Variants in NREP observed in about 807,000 individuals in gnomAD.
NREP encodes the protein neuronal regeneration-related protein.
NREP carries 5 observed loss-of-function variants against 8.6 expected under a neutral mutation model. That is an observed-to-expected ratio of 0.58 (90% confidence interval 0.30 to 1.22). NREP has a LOEUF of 1.22. Among genes scored for constraint, NREP ranks in the 50% most tolerant of loss-of-function variants. NREP has a pLI of 0.07. For synonymous variants in NREP, 27 were observed against 28.0 expected (o/e 0.96, Z 0.11); for missense variants, 86 against 82.5 (o/e 1.04, Z -0.17).
intron 2 of NREP, among the ~76,000 whole-genome samples, chr5:111,935,583 T>C (rs1581232472): frequency 6.6e-6 from 1 of 152,180 alleles, no homozygotes; most frequent in East Asian, 1.9e-4. Flanking sequence ...TTGATCAAGT[T>C]TCCACTTTTC....
At chr5:111,952,082 C>A (rs1047805297) in intron 2 of NREP, among the ~76,000 whole-genome samples, 2 of 152,102 alleles carry the variant, frequency 1.3e-5, no homozygotes, top group African/African-American at 4.8e-5. Flanking sequence ...GCTTAATTTG[C>A]TGCCTGCAAT....
At chr5:111,751,385 T>C (rs866846603) in intron 2 of NREP, among the ~76,000 whole-genome samples, 1 of 152,184 alleles carries the variant, frequency 6.6e-6, no homozygotes, top group South Asian at 2.1e-4. Flanking sequence ...AATTTCAGGA[T>C]CACTGCTATT....
At chr5:111,733,826 G>T (rs1748845664) in intron 3 of NREP, 1 of 152,092 alleles carries the variant, frequency 6.6e-6, no homozygotes, top group Non-Finnish European at 1.5e-5. Context: ...GCCTCGGGGT[G>T]GATCAGCCCT....
intron 2 of NREP, among the ~76,000 whole-genome samples, chr5:111,943,724 T>A: frequency 6.6e-6 from 1 of 152,108 alleles, no homozygotes; most frequent in East Asian, 1.9e-4. Context: ...TTAGAGGGCA[T>A]CCTCTTTCTA....
intron 2 of NREP, among the ~76,000 whole-genome samples, chr5:111,914,547 C>T (rs924005129): frequency 7.2e-5 from 11 of 152,102 alleles, no homozygotes; most frequent in African/African-American, 2.7e-4. Context: ...TGTAAGGTCC[C>T]GTTCCAGCCA....
At chr5:111,758,435 T>A (rs75941912), upstream of NREP, among the ~76,000 whole-genome samples, 663 of 152,370 alleles carry the variant, frequency 4.4e-3, 5 homozygotes, top group East Asian at 0.041. Flanking sequence ...GTCGTTCTTA[T>A]TTAAAATCTA....
intron 2 of NREP, among the ~76,000 whole-genome samples, chr5:111,799,869 CT>C (rs1751961614): frequency 6.6e-6 from 1 of 152,070 alleles, no homozygotes; most frequent in Non-Finnish European, 1.5e-5. Context: ...AGAATGTTGC[CT>C]TTTCAGGATT....
chr5:111,919,007 T>C lies in NREP; in HGVS notation c.135+56267A>G, dbSNP rs1755146332. Among the ~76,000 whole-genome samples, 2 of 152,054 alleles carry C rather than the reference T, an allele frequency of 1.3e-5. 1 individual carries two copies. Among genetic ancestry groups the C allele is most frequent in the South Asian group, 4.1e-4 (2 of 4,824 alleles). On this transcript the variant is annotated intron_variant, in intron 2 of 3. Coordinates refer to the NREP transcript ENST00000395634. ...TCTGACAAAGAACTAATATCCAGAA[T>C]CTACAGGGACTTAAAACAAATTGAC...
At chr5:111,819,626 G>A (rs1286501240) in intron 2 of NREP, among the ~76,000 whole-genome samples, 1 of 152,174 alleles carries the variant, frequency 6.6e-6, no homozygotes, top group Non-Finnish European at 1.5e-5. Context: ...TATGGGGTTA[G>A]GTTCCTGCAA....
chr5:111,877,263 G>A (rs996647242), intron 2 of NREP, among the ~76,000 whole-genome samples: 2 of 152,012 alleles, frequency 1.3e-5, no homozygotes, highest in East Asian at 1.9e-4. Flanking sequence ...CTGGGTCTCC[G>A]GCAATAAACT....
At chr5:111,785,298 A>G (rs1360541448) in intron 2 of NREP, among the ~76,000 whole-genome samples, 1 of 151,506 alleles carries the variant, frequency 6.6e-6, no homozygotes, top group East Asian at 1.9e-4. Context: ...TTTTTTTTTG[A>G]GATGGAGTCT....
chr5:111,834,691 G>T (rs774848426), intron 2 of NREP, among the ~76,000 whole-genome samples: 1 of 152,114 alleles, frequency 6.6e-6, no homozygotes, highest in Admixed American at 6.5e-5. Context: ...CCCATTACTG[G>T]CTGTGGAACC....
chr5:111,949,316 C>T (rs1756086361), intron 2 of NREP, among the ~76,000 whole-genome samples: 1 of 151,718 alleles, frequency 6.6e-6, no homozygotes, highest in African/African-American at 2.4e-5. Context: ...TCAAAAACTG[C>T]AGTCTAGTGC....
At chr5:111,905,122 T>C (rs771121831) in intron 2 of NREP, among the ~76,000 whole-genome samples, 3 of 152,138 alleles carry the variant, frequency 2.0e-5, no homozygotes, top group Non-Finnish European at 4.4e-5. Flanking sequence ...ATTTCTCCTA[T>C]ATGCCTTTTG....
chr5:111,774,099 A>C (rs192276), intron 2 of NREP, among the ~76,000 whole-genome samples: 10,782 of 152,206 alleles, frequency 0.071, 479 homozygotes, highest in East Asian at 0.23. Flanking sequence ...AGAACTCTAG[A>C]AACATCATTG....
At chr5:111,817,665 C>T (rs1410091940) in intron 2 of NREP, among the ~76,000 whole-genome samples, 6 of 151,494 alleles carry the variant, frequency 4.0e-5, no homozygotes, top group Admixed American at 2.6e-4. Context: ...ATTAGCCGGG[C>T]GTAGTGGCGG....
intron 2 of NREP, among the ~76,000 whole-genome samples, chr5:111,904,959 T>C (rs1754743586): frequency 6.6e-6 from 1 of 152,018 alleles, no homozygotes; most frequent in African/African-American, 2.4e-5. Context: ...TCCCTAGTAA[T>C]CGTTTATTGC....
At chr5:111,746,239 T>C (rs1749994000) in intron 2 of NREP, among the ~76,000 whole-genome samples, 1 of 138,100 alleles carries the variant, frequency 7.2e-6, no homozygotes, top group South Asian at 2.1e-4. Flanking sequence ...GTGGTTATCA[T>C]TTTTTTTTAA....
At chr5:111,935,394 G>A (rs1755655400) in intron 2 of NREP, among the ~76,000 whole-genome samples, 1 of 152,034 alleles carries the variant, frequency 6.6e-6, no homozygotes, top group South Asian at 2.1e-4. Context: ...GGAAATCTAA[G>A]CTTTGAACAA....
Sources: allele counts gnomAD v4.1 joint callset (sites outside exome capture counted in the v4.1 genomes callset), GRCh38; gene constraint gnomAD v4.1.1; transcripts MANE v1.5; gene names NCBI Gene and HGNC (gene_info 2026-07-23, HGNC 2026-07-21).